The following KIAA1217 variants were observed in gnomAD, a reference collection of about 807,000 sequenced individuals.
The protein encoded by KIAA1217 is sickle tail protein homolog.
In KIAA1217, 88 loss-of-function variants were observed where a neutral mutation model predicts 163.9. That is an observed-to-expected ratio of 0.54 (90% CI 0.45 to 0.64). The LOEUF is 0.64. KIAA1217 is among the 30% of genes least tolerant of loss of function. The pLI, the probability that KIAA1217 is intolerant of heterozygous loss-of-function variation, is 0.00. For missense variants in KIAA1217, 2,372 were observed against 2,475.0 expected (o/e 0.96, Z 0.88); for synonymous variants, 903 against 923.1 (o/e 0.98, Z 0.39).
At position 24,543,019 on chromosome 10, in the gene KIAA1217, G is replaced by A; in HGVS notation, c.3749G>A (p.Ser1250Asn). 1 of 1,613,846 alleles carries A rather than the reference G, an allele frequency of 6.2e-7. No homozygotes were observed. The change falls in exon 19 of 21, where the codon AGT becomes AAT. Residue 1250 changes from serine to asparagine, a missense_variant. Physicochemically the swap from Ser to Asn is conservative, Grantham distance 46. Transcript: ENST00000376454. ...IMKENSISNMSLLRDSRNYSQ... is the reference protein window; with the variant it reads ...IMKENSISNMNLLRDSRNYSQ... Reference sequence around the variant, plus strand: ...AAGGAAAATTCCATATCCAATATGAGTTTACTCAGAGACAGTAGAAACTAT... The same window carrying A: ...AAGGAAAATTCCATATCCAATATGAATTTACTCAGAGACAGTAGAAACTAT...
At chr10:24,210,214 G>A (rs2067892298) in intron 1 of KIAA1217, among the ~76,000 whole-genome samples, 3 of 152,136 alleles carry the variant, frequency 2.0e-5, no homozygotes, top group Admixed American at 2.0e-4. Flanking sequence ...TGAAAGGGAA[G>A]TAACACATGA....
chr10:24,359,082 CTTTT>C (rs202024336), intron 2 of KIAA1217, among the ~76,000 whole-genome samples: 8 of 81,542 alleles, frequency 9.8e-5, no homozygotes, highest in Admixed American at 8.8e-4. Context: ...TTCTTTCTTT[CTTTT>C]TTTTTTTTTT....
At chr10:23,927,891 A>G (rs2131305020) in intron 1 of KIAA1217, among the ~76,000 whole-genome samples, 1 of 152,354 alleles carries the variant, frequency 6.6e-6, no homozygotes, top group Non-Finnish European at 1.5e-5. Flanking sequence ...AAATACACAT[A>G]TAAAACAGCT....
At chr10:24,345,164 C>G (rs538080083) in intron 2 of KIAA1217, among the ~76,000 whole-genome samples, 2 of 152,292 alleles carry the variant, frequency 1.3e-5, no homozygotes, top group East Asian at 3.9e-4. Context: ...TCTTCACTGA[C>G]AGTTAGCATT....
intron 3 of KIAA1217, among the ~76,000 whole-genome samples, chr10:24,394,493 G>A (rs947846396): frequency 2.6e-5 from 4 of 151,780 alleles, no homozygotes; most frequent in East Asian, 1.9e-4. Context: ...ATTAAGAATC[G>A]ATTTGGTTTC....
intron 1 of KIAA1217, among the ~76,000 whole-genome samples, chr10:23,919,651 CTCAT>C (rs143283636): frequency 7.0e-6 from 1 of 143,772 alleles, no homozygotes. Flanking sequence ...GATTCATTTA[CTCAT>C]TCATTCATTC....
intron 5 of KIAA1217, among the ~76,000 whole-genome samples, chr10:24,456,633 G>C (rs1006224251): frequency 2.0e-5 from 3 of 151,920 alleles, no homozygotes; most frequent in Non-Finnish European, 4.4e-5. Context: ...TCCAGTGCTC[G>C]ATCCACCACA....
At chr10:24,479,701 A>G (rs939813118) in intron 6 of KIAA1217, among the ~76,000 whole-genome samples, 9 of 152,204 alleles carry the variant, frequency 5.9e-5, no homozygotes, top group African/African-American at 2.2e-4. Context: ...GAGAAGTTCT[A>G]GGGCATGGCC....
chr10:23,754,927 G>T (rs979844296), intron 1 of KIAA1217, among the ~76,000 whole-genome samples: 45 of 147,430 alleles, frequency 3.1e-4, no homozygotes, highest in African/African-American at 1.1e-3. Context: ...TTAAGAGGAA[G>T]AATAAAATCA....
chr10:23,924,165 CTTT>C (rs5783868), intron 1 of KIAA1217, among the ~76,000 whole-genome samples: 7 of 140,078 alleles, frequency 5.0e-5, no homozygotes, highest in Admixed American at 1.4e-4. Flanking sequence ...TACTCTGATT[CTTT>C]TTTTTTTTTT....
intron 4 of KIAA1217, among the ~76,000 whole-genome samples, chr10:24,438,053 A>T (rs2060208463): frequency 1.3e-5 from 2 of 150,336 alleles, no homozygotes; most frequent in South Asian, 4.2e-4. Flanking sequence ...AAATATTGGA[A>T]CTTTATTTTT....
Position 24,524,309 on chromosome 10 carries a change from A to C in KIAA1217, c.2457-14A>C. The C allele has an allele frequency of 6.3e-7, 1 of 1,598,706 alleles. No individual in the cohort carries two copies. Among genetic ancestry groups the C allele is most frequent in the African/African-American group, 1.3e-5 (1 of 74,732 alleles). Reference sequence around the variant, plus strand: ...GACATGAGGGTTAATGCCGCTGTGCATGGTTTCTCCTAGACATGTCACTGA... The same window carrying C: ...GACATGAGGGTTAATGCCGCTGTGCCTGGTTTCTCCTAGACATGTCACTGA... On this transcript the variant is annotated splice_polypyrimidine_tract_variant and intron_variant, in intron 12 of 20. Coordinates refer to ENST00000376454, the MANE Select transcript of KIAA1217 (RefSeq NM_019590.5).
intron 2 of KIAA1217, among the ~76,000 whole-genome samples, chr10:24,068,232 G>T (rs981365444): frequency 1.1e-4 from 17 of 152,162 alleles, no homozygotes; most frequent in Non-Finnish European, 2.9e-5. Flanking sequence ...CTTCTGCGTC[G>T]CTCACACTGG....
At chr10:23,840,518 T>C (rs888935388) in intron 1 of KIAA1217, among the ~76,000 whole-genome samples, 3 of 152,192 alleles carry the variant, frequency 2.0e-5, no homozygotes, top group Non-Finnish European at 4.4e-5. Context: ...AGGGTGACTA[T>C]AACACCACTA....
chr10:24,439,655 T>C (rs1288139091), intron 5 of KIAA1217, among the ~76,000 whole-genome samples: 3 of 151,724 alleles, frequency 2.0e-5, no homozygotes, highest in South Asian at 4.2e-4. Context: ...CTTTTCTTTT[T>C]TTTTTTTTTC....
At chr10:24,202,703 C>G (rs1017338928) in intron 2 of KIAA1217, among the ~76,000 whole-genome samples, 4 of 152,168 alleles carry the variant, frequency 2.6e-5, no homozygotes, top group African/African-American at 9.7e-5. Flanking sequence ...CCCTGCCCCC[C>G]AGGGAGGTCC....
chr10:23,795,194 G>C (rs547456565), intron 1 of KIAA1217, among the ~76,000 whole-genome samples: 1 of 152,122 alleles, frequency 6.6e-6, no homozygotes, highest in Non-Finnish European at 1.5e-5. Context: ...ACTCAAGAAA[G>C]GACCTCCTTT....
At chr10:24,364,765 T>C (rs1303668819) in intron 2 of KIAA1217, among the ~76,000 whole-genome samples, 3 of 151,870 alleles carry the variant, frequency 2.0e-5, no homozygotes, top group Non-Finnish European at 2.9e-5. Flanking sequence ...TTCCTTCCTT[T>C]CTTTCTTTCT....
rs1454776042 is a variant in KIAA1217, at chr10:24,524,537, C to T, written c.2671C>T (p.Pro891Ser). 1.2e-6 allele frequency: 2 copies of T among 1,613,892 alleles called. No homozygotes were observed. Among genetic ancestry groups the T allele is most frequent in the African/African-American group, 1.3e-5 (1 of 74,930 alleles). The change falls in exon 13 of 21, where the codon CCT (proline) becomes TCT (serine). Residue 891 changes from proline to serine, a missense_variant. Around this residue, in one of 3 missense-constraint regions of KIAA1217, gnomAD observed 1,431 missense variants for 1,470.3 expected, o/e 0.97. Transcript: ENST00000376454. ...GATGGTTCGCCACGCGCAGAGCTCC[C>T]CTGTGGTCATCCAGCCCTCCCAGCA... Reference protein sequence around the residue: ...GMMVRHAQSSPVVIQPSQHSV... With the variant: ...GMMVRHAQSSSVVIQPSQHSV...
Sources: gnomAD v4.1 joint callset for allele counts (sites outside exome capture counted in the v4.1 genomes callset) on GRCh38, gnomAD v4.1.1 for gene constraint, gnomAD v4.1.1 regional missense constraint, MANE v1.5 for transcripts, NCBI Gene and HGNC (gene_info 2026-07-23, HGNC 2026-07-21) for gene names.